DLC1: variants seen among roughly 807,000 people sequenced by gnomAD.
DLC1 encodes rho GTPase-activating protein 7.
DLC1 carries 54 observed loss-of-function variants against 140.3 expected under a neutral mutation model. The ratio of observed to expected loss-of-function variants is 0.38; its 90% CI spans 0.31 to 0.48. The LOEUF is 0.48. DLC1 is among the 20% of genes least tolerant of loss of function. The probability of loss-of-function intolerance (pLI) is 0.96; values close to 1 mark genes in which losing one functional copy is unlikely to be tolerated. For synonymous variants in DLC1, 986 were observed against 728.1 expected (o/e 1.35, Z -5.70); for missense variants, 2,536 against 1,907.0 (o/e 1.33, Z -6.14).
chr8:13,398,534 G>A (rs949642663), intron 3 of DLC1, among the ~76,000 whole-genome samples: 3 of 151,080 alleles, frequency 2.0e-5, no homozygotes, highest in Non-Finnish European at 1.5e-5. Flanking sequence ...GGAGGCCGAG[G>A]TGTGAAGATT....
chr8:13,416,636 A>C (rs1180772767), intron 2 of DLC1, among the ~76,000 whole-genome samples: 1 of 152,208 alleles, frequency 6.6e-6, no homozygotes, highest in Non-Finnish European at 1.5e-5. Flanking sequence ...AAAATCTCTA[A>C]CAAATAGGAA....
rs535283131 is a variant in DLC1, at chr8:13,556,322, C to A, written c.-126+48215G>T. On this transcript the variant is annotated intron_variant, in intron 1 of 1. Coordinates refer to the DLC1 transcript ENST00000631382. ...GTCACAAAATCCTAGAGTGTGGCAT[C>A]TGTAACTTGGCTACATGCTGGAATC... Among the ~76,000 whole-genome samples, 14 of 152,264 alleles carry A rather than the reference C, an allele frequency of 9.2e-5. No homozygotes were observed. The South Asian group carries it at 2.9e-3, about 32-fold the overall frequency.
At chr8:13,190,404 C>G (rs1410880443) in intron 5 of DLC1, among the ~76,000 whole-genome samples, 1 of 152,122 alleles carries the variant, frequency 6.6e-6, no homozygotes, top group African/African-American at 2.4e-5. Flanking sequence ...GTTTTCCTCT[C>G]TTCTCTGGTG....
chr8:13,174,310 G>C (rs964138329), intron 5 of DLC1, among the ~76,000 whole-genome samples: 1 of 152,194 alleles, frequency 6.6e-6, no homozygotes, highest in African/African-American at 2.4e-5. Flanking sequence ...GTTGTGAGCA[G>C]TGCTGTTATG....
At chr8:13,115,014 G>A (rs763991556) in intron 6 of DLC1, among the ~76,000 whole-genome samples, 5 of 152,114 alleles carry the variant, frequency 3.3e-5, no homozygotes, top group Non-Finnish European at 7.3e-5. Context: ...TACCACAAAA[G>A]ATAGATGCAA....
chr8:13,535,232 T>C (rs576015794), intron 1 of DLC1, among the ~76,000 whole-genome samples: 2 of 152,270 alleles, frequency 1.3e-5, no homozygotes, highest in South Asian at 4.2e-4. Context: ...TAGTCATGTG[T>C]ACATCTCTGT....
chr8:13,379,753 G>C (rs1836168591), intron 4 of DLC1, among the ~76,000 whole-genome samples: 1 of 152,096 alleles, frequency 6.6e-6, no homozygotes, highest in Non-Finnish European at 1.5e-5. Flanking sequence ...CATCATCTAG[G>C]TTTTAAGCCC....
intron 5 of DLC1, among the ~76,000 whole-genome samples, chr8:13,268,125 C>T (rs1426623229): frequency 6.6e-6 from 1 of 152,074 alleles, no homozygotes; most frequent in East Asian, 1.9e-4. Context: ...ATTTCTAAAT[C>T]AGTTGAGATC....
At chr8:13,147,790 C>G (rs1823540295) in intron 5 of DLC1, among the ~76,000 whole-genome samples, 1 of 152,038 alleles carries the variant, frequency 6.6e-6, no homozygotes, top group Non-Finnish European at 1.5e-5. Context: ...GAGATTGAGA[C>G]CATCCTGGCC....
intron 1 of DLC1, among the ~76,000 whole-genome samples, chr8:13,503,169 C>T (rs1801898047): frequency 6.6e-6 from 1 of 152,164 alleles, no homozygotes; most frequent in African/African-American, 2.4e-5. Flanking sequence ...CTTTGGGAGG[C>T]TGAGGTGTGC....
At chr8:13,110,853 T>C (rs1820040701) in intron 6 of DLC1, 30 bp from the exon 7 acceptor site, 2 of 1,611,350 alleles carry the variant, frequency 1.2e-6, no homozygotes, top group Non-Finnish European at 1.7e-6. Context: ...ATGTATTTGT[T>C]GAGCGCCTAA....
intron 5 of DLC1, among the ~76,000 whole-genome samples, chr8:13,191,657 A>C (rs536323702): frequency 5.3e-5 from 8 of 152,284 alleles, no homozygotes; most frequent in Admixed American, 2.0e-4. Context: ...ATGTTAAATC[A>C]ATTTCTGTGC....
chr8:13,375,731 T>C (rs56009552), intron 4 of DLC1, among the ~76,000 whole-genome samples: 1 of 90,914 alleles, frequency 1.1e-5, no homozygotes, highest in African/African-American at 5.3e-5. Flanking sequence ...TTTATTTTAT[T>C]TTTATTTTTT....
At position 13,085,744 on chromosome 8, in the gene DLC1, T is replaced by G; in HGVS notation, c.*67A>C. 6.2e-7 allele frequency: 1 copy of G among 1,607,108 alleles called. No individual in the cohort carries two copies. Among genetic ancestry groups the G allele is most frequent in the Non-Finnish European group, 8.5e-7 (1 of 1,176,240 alleles). ...CAGGATTAGACACAGAACCCATTCTTCAAGGACTGGCAAAAGTTCTAGAAA... is the reference window on the plus strand; with the variant it reads ...CAGGATTAGACACAGAACCCATTCTGCAAGGACTGGCAAAAGTTCTAGAAA... On this transcript the variant is annotated 3_prime_UTR_variant, in exon 18 of 18. Coordinates refer to ENST00000276297, the MANE Select transcript of DLC1 (RefSeq NM_182643.3).
chr8:13,333,882 T>C (rs1314852494), intron 4 of DLC1, among the ~76,000 whole-genome samples: 1 of 152,010 alleles, frequency 6.6e-6, no homozygotes, highest in Non-Finnish European at 1.5e-5. Flanking sequence ...ACACAGAAAA[T>C]TTTCAAGTGT....
intron 5 of DLC1, among the ~76,000 whole-genome samples, chr8:13,188,839 ATATATTTTT>A (rs1563149835): frequency 0.022 from 587 of 27,176 alleles, 3 homozygotes; most frequent in African/African-American, 0.062. Context: ...ATATATATAT[ATATATTTTT>A]TTTTTTTTTT....
chr8:13,273,480 G>C (rs1831033230), intron 5 of DLC1, among the ~76,000 whole-genome samples: 1 of 152,110 alleles, frequency 6.6e-6, no homozygotes, highest in Non-Finnish European at 1.5e-5. Context: ...TATATAAAGG[G>C]GAATGCAAGT....
At chr8:13,216,032 A>G (rs983696914) in intron 5 of DLC1, among the ~76,000 whole-genome samples, 2 of 152,076 alleles carry the variant, frequency 1.3e-5, no homozygotes, top group Non-Finnish European at 2.9e-5. Context: ...CGCAGTTCCC[A>G]TCTTTCCTAC....
chr8:13,498,883 C>T (rs1267520356), intron 2 of DLC1, 166 bp downstream of exon 2: 3 of 673,270 alleles, frequency 4.5e-6, no homozygotes, highest in East Asian at 5.5e-5. Flanking sequence ...TTAATTTTTA[C>T]ATATTTTGAT....
Sources: gnomAD v4.1 joint callset for allele counts (sites outside exome capture counted in the v4.1 genomes callset) on GRCh38, gnomAD v4.1.1 for gene constraint, MANE v1.5 for transcripts, NCBI Gene and HGNC (gene_info 2026-07-23, HGNC 2026-07-21) for gene names.